CACNA1A: variants seen among roughly 807,000 people sequenced by gnomAD.
CACNA1A encodes the protein calcium voltage-gated channel subunit alpha1 A, also known as voltage-dependent P/Q-type calcium channel subunit alpha-1A.
CACNA1A carries 57 observed loss-of-function variants against 262.4 expected under a neutral mutation model. The observed-to-expected ratio is 0.22, with a 90% CI of 0.18 to 0.27. The LOEUF (loss-of-function observed/expected upper bound fraction) is 0.27, where lower values mean the gene tolerates loss of function less well. CACNA1A is among the 10% of genes least tolerant of loss of function. The pLI is 1.00. For missense variants in CACNA1A, 2,526 were observed against 3,562.8 expected (o/e 0.71, Z 7.41); for synonymous variants, 1,431 against 1,419.3 (o/e 1.01, Z -0.18).
intron 34 of CACNA1A, among the ~76,000 whole-genome samples, chr19:13,233,576 C>G (rs1211826380): frequency 6.6e-6 from 1 of 152,162 alleles, no homozygotes; most frequent in Non-Finnish European, 1.5e-5. Context: ...TAGCCTGGAA[C>G]TCCTGGGCTC....
intron 11 of CACNA1A, among the ~76,000 whole-genome samples, chr19:13,313,627 C>T (rs1462036449): frequency 6.6e-6 from 1 of 151,850 alleles, no homozygotes; most frequent in African/African-American, 2.4e-5. Flanking sequence ...AGTTTTTGCC[C>T]TGGTTCGATG....
intron 20 of CACNA1A, among the ~76,000 whole-genome samples, chr19:13,285,922 C>T (rs1332846192): frequency 6.7e-6 from 1 of 149,322 alleles, no homozygotes; most frequent in Admixed American, 6.7e-5. Context: ...ACTAGATGAA[C>T]TTAAGACATA....
chr19:13,237,952 G>A (rs1235144426), intron 31 of CACNA1A, among the ~76,000 whole-genome samples: 3 of 152,206 alleles, frequency 2.0e-5, no homozygotes, highest in African/African-American at 7.2e-5. Context: ...CTCAGGAGGG[G>A]GGTTTGGAGG....
intron 8 of CACNA1A, among the ~76,000 whole-genome samples, chr19:13,333,389 A>T (rs2058499386): frequency 6.6e-6 from 1 of 151,008 alleles, no homozygotes; most frequent in East Asian, 1.9e-4. Flanking sequence ...CTCAGAGGGT[A>T]CTTCCTTAGA....
chr19:13,244,048 T>A (rs2056159944), intron 31 of CACNA1A: 1 of 152,310 alleles, frequency 6.6e-6, no homozygotes, highest in Non-Finnish European at 1.5e-5. Flanking sequence ...GGGGTGTTTC[T>A]CCCCTATTGC....
chr19:13,298,485 G>T, intron 19 of CACNA1A, 59 bp downstream of exon 19: 1 of 1,399,766 alleles, frequency 7.1e-7, no homozygotes, highest in Non-Finnish European at 9.8e-7. Flanking sequence ...GTGCTACTTT[G>T]GCTGTTGTCA....
intron 10 of CACNA1A, among the ~76,000 whole-genome samples, chr19:13,326,186 T>G (rs2058358782): frequency 6.6e-6 from 1 of 151,758 alleles, no homozygotes. Context: ...CGTGGTGGTG[T>G]GCACCTGTAG....
At chr19:13,302,027 C>G (rs10417679) in intron 17 of CACNA1A, among the ~76,000 whole-genome samples, 1 of 152,166 alleles carries the variant, frequency 6.6e-6, no homozygotes, top group African/African-American at 2.4e-5. Flanking sequence ...TCTGCATTTC[C>G]CACAGGTTCC....
Position 13,255,142 on chromosome 19 carries a change from T to C in CACNA1A, c.4708A>G (p.Thr1570Ala), listed in dbSNP as rs750368591. The change falls in exon 29 of 47, where the codon ACG becomes GCG. Residue 1570 changes from threonine to alanine, a missense_variant. This residue lies in a region of CACNA1A where 36 missense variants were observed against 47.3 expected (regional missense o/e 0.76). Coordinates refer to ENST00000360228, the MANE Select transcript of CACNA1A (RefSeq NM_001127222.2). ...QFVVSPPFEY[T>A]IMAMIALNTI... ...TTGAGGGCGATCATGGCCATGATCG[T>C]GTACTCGAAAGGCGGAGACACCACG... 3 of 1,613,820 alleles carry C rather than the reference T, an allele frequency of 1.9e-6. No homozygotes were observed. Among genetic ancestry groups the C allele is most frequent in the Non-Finnish European group, 2.5e-6 (3 of 1,179,820 alleles).
In CACNA1A at chr19:13,303,830, CCT is replaced by C. The variant is rs1064794262; in HGVS notation, c.2039_2040del (p.Gln680ArgfsTer100). On this transcript the variant is annotated frameshift_variant, in exon 16 of 47. Coordinates refer to ENST00000360228, the MANE Select transcript of CACNA1A (RefSeq NM_001127222.2). LOFTEE classifies it high-confidence loss of function. Reference sequence around the variant, plus strand: ...AACACCATGCCGCCCTGCACGCCCCCCTGAGACTTGATCCCGTCGTACATGAC... The same window carrying C: ...AACACCATGCCGCCCTGCACGCCCCCGAGACTTGATCCCGTCGTACATGAC... ...NEVMYDGIKS[Q>X]GGVQGGMVFS... 1.2e-6 allele frequency: 2 copies of C among 1,613,846 alleles called. No homozygotes were observed. The highest frequency in any genetic ancestry group is 1.7e-6 in the Non-Finnish European group (2 of 1,179,824).
At chr19:13,265,499 C>A (rs7251403) in intron 24 of CACNA1A, among the ~76,000 whole-genome samples, 66,671 of 151,794 alleles carry the variant, frequency 0.44, 16,293 homozygotes, top group Non-Finnish European at 0.56. Flanking sequence ...AACTCTGAAC[C>A]TTTTTTTTTC....
In CACNA1A at chr19:13,497,566, ATATATAT is replaced by A. The variant is rs1568710026; in HGVS notation, c.293+8359_293+8365del. 8.1e-5 allele frequency among the ~76,000 whole-genome samples: 3 copies of A among 36,956 alleles called. 1 individual carries two copies. The highest frequency in any genetic ancestry group is 2.1e-4 in the African/African-American group (2 of 9,604). The allele number at this position is 36,956 out of a possible 152,430, so 24.2% of individuals were successfully genotyped here. On this transcript the variant is annotated intron_variant, in intron 1 of 46. Coordinates refer to ENST00000360228, the MANE Select transcript of CACNA1A (RefSeq NM_001127222.2). ...TATATATATATATATATATATATATATATATATATATATAAATTTATGTTGTTAAAGC... is the reference window on the plus strand; with the variant it reads ...TATATATATATATATATATATATATAATATATAAATTTATGTTGTTAAAGC...
chr19:13,255,006 G>A, intron 29 of CACNA1A, 89 bp downstream of exon 29: 2 of 1,394,586 alleles, frequency 1.4e-6, no homozygotes, highest in Non-Finnish European at 2.0e-6. Context: ...GGTCTGTCTG[G>A]GAAACTGCAG....
intron 3 of CACNA1A, among the ~76,000 whole-genome samples, chr19:13,426,932 G>C (rs1165740036): frequency 5.9e-5 from 9 of 152,192 alleles, no homozygotes. Flanking sequence ...AAATATTTTA[G>C]GGAAAATAGA....
chr19:13,292,538 CA>C (rs1258859592), intron 19 of CACNA1A, among the ~76,000 whole-genome samples: 9 of 151,808 alleles, frequency 5.9e-5, no homozygotes, highest in African/African-American at 2.2e-4. Context: ...CACCTGAGCT[CA>C]GGAAGTCAAG....
intron 3 of CACNA1A, among the ~76,000 whole-genome samples, chr19:13,387,484 T>C (rs983526307): frequency 1.3e-5 from 2 of 152,184 alleles, no homozygotes; most frequent in African/African-American, 4.8e-5. Flanking sequence ...GGTGCCTGCG[T>C]GCTACGTCTG....
chr19:13,337,811 C>T (rs554332596), intron 6 of CACNA1A, among the ~76,000 whole-genome samples: 1 of 152,306 alleles, frequency 6.6e-6, no homozygotes, highest in South Asian at 2.1e-4. Context: ...ATGGTATAGC[C>T]TACTACACAC....
chr19:13,240,279 CTG>C (rs763025846), intron 31 of CACNA1A, among the ~76,000 whole-genome samples: 1 of 151,696 alleles, frequency 6.6e-6, no homozygotes, highest in Non-Finnish European at 1.5e-5. Context: ...GGTGCATAGA[CTG>C]TGTGTGCAGT....
At chr19:13,231,614 G>T in intron 35 of CACNA1A, 96 bp downstream of exon 35, 4 of 1,305,262 alleles carry the variant, frequency 3.1e-6, no homozygotes, top group Non-Finnish European at 3.2e-6. Flanking sequence ...GAGGGAACAA[G>T]CCTTCGACAC....
Sources: gnomAD v4.1 joint callset for allele counts (sites outside exome capture counted in the v4.1 genomes callset) on GRCh38, gnomAD v4.1.1 for gene constraint, gnomAD v4.1.1 regional missense constraint, MANE v1.5 for transcripts, NCBI Gene and HGNC (gene_info 2026-07-23, HGNC 2026-07-21) for gene names.